PPP2R2B: variants seen among roughly 807,000 people sequenced by gnomAD.
PPP2R2B encodes the protein serine/threonine-protein phosphatase 2A 55 kDa regulatory subunit B beta isoform.
A neutral mutation model predicts 46.0 loss-of-function variants in PPP2R2B; 5 were observed. The ratio of observed to expected loss-of-function variants is 0.11; its 90% CI spans 0.06 to 0.23. The LOEUF (loss-of-function observed/expected upper bound fraction) is 0.23, where lower values mean the gene tolerates loss of function less well. Ranked by LOEUF, PPP2R2B falls within the 10% of genes least tolerant of loss-of-function variation. The pLI is 1.00. For synonymous variants in PPP2R2B, 215 were observed against 206.7 expected, an observed-to-expected ratio of 1.04 and a Z score of -0.34; for missense variants, 367 against 575.0, an observed-to-expected ratio of 0.64 and a Z score of 3.70.
intron 2 of PPP2R2B, among the ~76,000 whole-genome samples, chr5:146,732,465 A>C (rs530179467): frequency 7.2e-5 from 11 of 152,352 alleles, no homozygotes; most frequent in Middle Eastern, 3.4e-3. Flanking sequence ...TGGAATTTCC[A>C]CAGTGACTAT....
intron 5 of PPP2R2B, among the ~76,000 whole-genome samples, chr5:146,677,108 G>A (rs982171257): frequency 6.6e-6 from 1 of 152,128 alleles, no homozygotes; most frequent in African/African-American, 2.4e-5. Flanking sequence ...GCTTTTCTTA[G>A]ATGCTCTTTG....
chr5:146,969,217 C>A (rs1390570194), intron 1 of PPP2R2B, among the ~76,000 whole-genome samples: 1 of 152,150 alleles, frequency 6.6e-6, no homozygotes. Flanking sequence ...ACAAAAATAT[C>A]TAATCTGAGA....
At chr5:146,600,218 T>C in intron 8 of PPP2R2B, 73 bp downstream of exon 8, 1 of 1,525,152 alleles carries the variant, frequency 6.6e-7, no homozygotes, top group Non-Finnish European at 8.9e-7. Context: ...TGTAAACCTT[T>C]GGAAGCAGGG....
At chr5:146,962,405 T>G (rs937579563) in intron 1 of PPP2R2B, among the ~76,000 whole-genome samples, 1 of 151,814 alleles carries the variant, frequency 6.6e-6, no homozygotes, top group Non-Finnish European at 1.5e-5. Flanking sequence ...ATGCCTGTAA[T>G]CCTAGCACTT....
At chr5:147,075,412 A>C (rs1757733000) in intron 2 of PPP2R2B, among the ~76,000 whole-genome samples, 1 of 152,098 alleles carries the variant, frequency 6.6e-6, no homozygotes, top group Non-Finnish European at 1.5e-5. Flanking sequence ...TGATCTGCAT[A>C]AGTTATGTGA....
intron 2 of PPP2R2B, among the ~76,000 whole-genome samples, chr5:146,764,351 T>C (rs183225327): frequency 2.4e-4 from 37 of 152,326 alleles, no homozygotes; most frequent in Middle Eastern, 6.8e-3. Context: ...TATATCACTT[T>C]GGCTTTAGGG....
intron 1 of PPP2R2B, among the ~76,000 whole-genome samples, chr5:146,955,772 T>C (rs1331905855): frequency 1.4e-5 from 2 of 147,230 alleles, no homozygotes; most frequent in African/African-American, 5.1e-5. Context: ...TTCTTTCTAT[T>C]ACTTTTTTTT....
chr5:146,835,923 G>T (rs1020124646), intron 2 of PPP2R2B, among the ~76,000 whole-genome samples: 2 of 152,114 alleles, frequency 1.3e-5, no homozygotes, highest in African/African-American at 4.8e-5. Flanking sequence ...TGGCATCCCA[G>T]TTCCACCGAT....
chr5:147,046,712 A>C (rs1756560744), intron 1 of PPP2R2B, among the ~76,000 whole-genome samples: 2 of 151,838 alleles, frequency 1.3e-5, no homozygotes, highest in South Asian at 4.1e-4. Flanking sequence ...TTTTCAACTA[A>C]ATATTTCATA....
At chr5:146,827,304 C>T (rs765580083) in intron 2 of PPP2R2B, among the ~76,000 whole-genome samples, 1 of 152,074 alleles carries the variant, frequency 6.6e-6, no homozygotes, top group Non-Finnish European at 1.5e-5. Context: ...TTCAAAGTAC[C>T]ATTGGGAGAT....
chr5:146,836,201 G>T (rs1327411514), intron 2 of PPP2R2B, among the ~76,000 whole-genome samples: 1 of 151,998 alleles, frequency 6.6e-6, no homozygotes, highest in Non-Finnish European at 1.5e-5. Context: ...ATTATAGTTG[G>T]TATGTCACTG....
At chr5:146,607,816 A>T (rs1772434144) in intron 7 of PPP2R2B, 1 of 152,204 alleles carries the variant, frequency 6.6e-6, no homozygotes, top group African/African-American at 2.4e-5. Flanking sequence ...GATAGATAAG[A>T]GGTTAGTACA....
At position 146,849,323 on chromosome 5, in the gene PPP2R2B, G is replaced by T. The variant is rs1760203250; in HGVS notation, c.70+28679C>A. Among the ~76,000 whole-genome samples, 3 of 152,108 alleles carry T rather than the reference G, an allele frequency of 2.0e-5. No homozygotes were observed. The South Asian group carries it at 6.2e-4, about 31-fold the overall frequency. On this transcript the variant is annotated intron_variant, in intron 2 of 9. Transcript: ENST00000394411. ...TGTGAATATATAAAGTTAAGCAGGG[G>T]TTCTTGTTGATGTCTCTAACTTTAA...
intron 1 of PPP2R2B, among the ~76,000 whole-genome samples, chr5:146,936,318 A>G (rs1466336803): frequency 1.3e-5 from 2 of 152,112 alleles, no homozygotes; most frequent in Admixed American, 6.6e-5. Flanking sequence ...TGTCCTGGTC[A>G]TTCATGCTGC....
intron 1 of PPP2R2B, among the ~76,000 whole-genome samples, chr5:147,018,037 GCGCGCGCACACACACACA>G (rs1292870444): frequency 4.0e-4 from 48 of 119,116 alleles, no homozygotes; most frequent in Non-Finnish European, 6.2e-4. Context: ...ACACATGCAT[GCGCGCGCACACACACACA>G]CACACACACA....
At chr5:146,777,513 G>T (rs1755257751) in intron 2 of PPP2R2B, among the ~76,000 whole-genome samples, 1 of 152,046 alleles carries the variant, frequency 6.6e-6, no homozygotes, top group African/African-American at 2.4e-5. Context: ...GTTTCTGTTT[G>T]GGGTAATGAG....
chr5:146,997,885 A>T (rs1753993943), intron 1 of PPP2R2B, among the ~76,000 whole-genome samples: 1 of 152,146 alleles, frequency 6.6e-6, no homozygotes, highest in African/African-American at 2.4e-5. Context: ...ACATCCTCTA[A>T]ATGTGTAGGT....
chr5:147,064,202 A>G (rs541140961), intron 2 of PPP2R2B, among the ~76,000 whole-genome samples: 63 of 152,322 alleles, frequency 4.1e-4, no homozygotes, highest in African/African-American at 1.5e-3. Context: ...GGAGAGATTT[A>G]CACAATTACC....
intron 2 of PPP2R2B, among the ~76,000 whole-genome samples, chr5:146,720,887 A>T (rs911061028): frequency 3.9e-5 from 6 of 152,218 alleles, no homozygotes; most frequent in African/African-American, 1.4e-4. Flanking sequence ...ATACTGCTTT[A>T]TACATAGTGC....
Sources: gnomAD v4.1 joint callset for allele counts (sites outside exome capture counted in the v4.1 genomes callset) on GRCh38, gnomAD v4.1.1 for gene constraint, MANE v1.5 for transcripts, NCBI Gene and HGNC (gene_info 2026-07-23, HGNC 2026-07-21) for gene names.